The following LRP1B variants were observed in gnomAD, a reference collection of about 807,000 sequenced individuals.
LRP1B encodes the protein LDL receptor related protein 1B.
In LRP1B, 217 loss-of-function variants were observed where a neutral mutation model predicts 556.6. That is an observed-to-expected ratio of 0.39 (90% CI 0.35 to 0.44). The LOEUF (loss-of-function observed/expected upper bound fraction) is 0.44, where lower values mean the gene tolerates loss of function less well. LRP1B is among the 20% of genes least tolerant of loss of function. LRP1B has a pLI of 1.00. For synonymous variants in LRP1B, 2,047 were observed against 1,865.8 expected (o/e 1.10, Z -2.50); for missense variants, 5,053 against 5,620.8 (o/e 0.90, Z 3.23).
intron 7 of LRP1B, among the ~76,000 whole-genome samples, chr2:141,071,516 G>A (rs1699642583): frequency 6.6e-6 from 1 of 152,108 alleles, no homozygotes; most frequent in African/African-American, 2.4e-5. Context: ...CAATTAGGCA[G>A]GAGAAGGAAA....
intron 43 of LRP1B, among the ~76,000 whole-genome samples, chr2:140,570,922 A>G (rs1049314384): frequency 6.6e-6 from 1 of 151,824 alleles, no homozygotes; most frequent in African/African-American, 2.4e-5. Context: ...GAAACCATAT[A>G]ATCATCTTAA....
chr2:141,638,962 T>C (rs1689206396), intron 2 of LRP1B, among the ~76,000 whole-genome samples: 1 of 70,714 alleles, frequency 1.4e-5, no homozygotes, highest in Admixed American at 1.4e-4. Flanking sequence ...CACACATATA[T>C]ATATATGGCT....
At chr2:142,015,833 A>C (rs1335277273) in intron 1 of LRP1B, among the ~76,000 whole-genome samples, 1 of 151,772 alleles carries the variant, frequency 6.6e-6, no homozygotes, top group Non-Finnish European at 1.5e-5. Flanking sequence ...CTCTACTAAA[A>C]TACAAAAAAT....
At chr2:140,940,646 G>A (rs573583588) in intron 20 of LRP1B, among the ~76,000 whole-genome samples, 6 of 152,206 alleles carry the variant, frequency 3.9e-5, no homozygotes, top group African/African-American at 1.4e-4. Flanking sequence ...TTTCCATTGA[G>A]ACAGACTGTT....
chr2:141,614,098 A>AG lies in LRP1B; in HGVS notation c.206-133566_206-133565insC, dbSNP rs1476240000. On this transcript the variant is annotated intron_variant, in intron 2 of 90. Coordinates refer to ENST00000389484, the MANE Select transcript of LRP1B (RefSeq NM_018557.3). ...TCAGCCTCAAAAAAAAAAAAAAAAAAAAAGAAAGAAAATGTTTACTTTTTT... is the reference window on the plus strand; with the variant it reads ...TCAGCCTCAAAAAAAAAAAAAAAAAAGAAAGAAAGAAAATGTTTACTTTTTT... 2.7e-4 allele frequency among the ~76,000 whole-genome samples: 41 copies of AG among 150,860 alleles called. 1 individual carries two copies. The highest frequency in any genetic ancestry group is 1.0e-3 in the African/African-American group (41 of 41,094).
chr2:140,608,899 C>T (rs1682967216), intron 41 of LRP1B, among the ~76,000 whole-genome samples: 1 of 152,120 alleles, frequency 6.6e-6, no homozygotes, highest in Non-Finnish European at 1.5e-5. Flanking sequence ...TATTCAACAT[C>T]AAAGTTTCAG....
intron 84 of LRP1B, among the ~76,000 whole-genome samples, chr2:140,292,771 G>A (rs886362781): frequency 1.3e-5 from 2 of 152,086 alleles, no homozygotes; most frequent in African/African-American, 4.8e-5. Context: ...CATAGTGACA[G>A]GCTCATTGTA....
intron 22 of LRP1B, among the ~76,000 whole-genome samples, chr2:140,903,730 G>C (rs1174913353): frequency 6.6e-6 from 1 of 151,172 alleles, no homozygotes; most frequent in Non-Finnish European, 1.5e-5. Context: ...TTTAAGTTAG[G>C]TGAATTATAC....
intron 3 of LRP1B, among the ~76,000 whole-genome samples, chr2:141,323,390 C>A (rs568390868): frequency 6.6e-6 from 1 of 152,072 alleles, no homozygotes; most frequent in Admixed American, 6.6e-5. Context: ...AATGATCCAA[C>A]GATCTACTTT....
At chr2:141,094,904 G>A (rs765726224) in intron 7 of LRP1B, among the ~76,000 whole-genome samples, 4 of 152,156 alleles carry the variant, frequency 2.6e-5, no homozygotes, top group South Asian at 4.1e-4. Flanking sequence ...CCCCTGTTAC[G>A]GTTTGAATGT....
rs575434295 is a variant in LRP1B, at chr2:140,262,068, T to TA, written c.13247+8173dup. Among the ~76,000 whole-genome samples, 426 of 150,970 alleles carry TA rather than the reference T, an allele frequency of 2.8e-3. 3 individuals carry two copies. Among genetic ancestry groups the TA allele is most frequent in the Middle Eastern group, 0.014 (4 of 294 alleles). ...ACTAATTTCTCAGAAGAATTACTAT[T>TA]AAAAAAAAAGATCAGAAGAAAATGA... On this transcript the variant is annotated intron_variant, in intron 86 of 90. Coordinates refer to ENST00000389484, the MANE Select transcript of LRP1B (RefSeq NM_018557.3).
At chr2:140,745,422 T>G (rs954843420) in intron 35 of LRP1B, among the ~76,000 whole-genome samples, 4 of 152,200 alleles carry the variant, frequency 2.6e-5, no homozygotes, top group East Asian at 1.9e-4. Context: ...CTAATTTGAT[T>G]AGGCAACATT....
chr2:140,584,558 A>C (rs532186580), intron 43 of LRP1B, among the ~76,000 whole-genome samples: 14 of 152,216 alleles, frequency 9.2e-5, no homozygotes, highest in African/African-American at 3.4e-4. Context: ...TGTTAAATCA[A>C]TCCATCAGTA....
rs376234029 is a variant in LRP1B at position 141,463,529 on chromosome 2, A to T, written c.343+16867T>A. On this transcript the variant is annotated intron_variant, in intron 3 of 90. Coordinates refer to ENST00000389484, the MANE Select transcript of LRP1B (RefSeq NM_018557.3). ...CCAGGAAAGAAACAAATATTATATAAAATTATATATTATATATAATTATAT... is the reference window on the plus strand; with the variant it reads ...CCAGGAAAGAAACAAATATTATATATAATTATATATTATATATAATTATAT... Among the ~76,000 whole-genome samples the T allele has an allele frequency of 6.2e-3, 809 of 129,928 alleles. 4 individuals carry two copies. The highest frequency in any genetic ancestry group is 0.014 in the South Asian group (64 of 4,418). 85.2% of individuals were successfully genotyped at this position (129,928 alleles called of 152,430 possible). A position where few individuals can be genotyped will look rare whatever the true frequency, so the allele number is the denominator to read the frequency against.
intron 11 of LRP1B, among the ~76,000 whole-genome samples, chr2:141,040,367 T>G (rs1698662125): frequency 6.6e-6 from 1 of 152,128 alleles, no homozygotes; most frequent in Non-Finnish European, 1.5e-5. Context: ...CTCAGCATGT[T>G]TGCTTCATTA....
intron 77 of LRP1B, among the ~76,000 whole-genome samples, chr2:140,339,141 C>A (rs1262122383): frequency 6.6e-6 from 1 of 151,706 alleles, no homozygotes; most frequent in East Asian, 1.9e-4. Context: ...TGAATGAAAC[C>A]CTTACATCTT....
At chr2:140,728,752 T>C (rs144407704) in intron 35 of LRP1B, among the ~76,000 whole-genome samples, 192 of 152,276 alleles carry the variant, frequency 1.3e-3, no homozygotes, top group Non-Finnish European at 2.2e-3. Flanking sequence ...GGATGTAGCA[T>C]AATGACTAAA....
In LRP1B at chr2:140,776,211, T is replaced by A. The variant is rs2104951027; in HGVS notation, c.5387A>T (p.Asn1796Ile). ...GCTGCAGGTTCCTAGCTGGGCTAAG[T>A]TTTGGTCTGCCCACCACAGTTTCTT... ...MDKKLWWADQ[N>I]LAQLGTCSKR... The change falls in exon 33 of 91, where the codon AAC (asparagine) becomes ATC (isoleucine). Residue 1796 changes from asparagine (N) to isoleucine (I), a missense_variant. Coordinates refer to ENST00000389484, the MANE Select transcript of LRP1B (RefSeq NM_018557.3). The A allele has an allele frequency of 6.2e-7, 1 of 1,602,802 alleles. No homozygotes were observed. The highest frequency in any genetic ancestry group is 8.5e-7 in the Non-Finnish European group (1 of 1,174,742).
intron 3 of LRP1B, among the ~76,000 whole-genome samples, chr2:141,469,956 A>G (rs1005050223): frequency 4.6e-5 from 7 of 152,162 alleles, no homozygotes; most frequent in African/African-American, 1.4e-4. Context: ...TTATTGTTCT[A>G]TTTTATGATT....
Sources: gnomAD v4.1 joint callset for allele counts (sites outside exome capture counted in the v4.1 genomes callset) on GRCh38, gnomAD v4.1.1 for gene constraint, MANE v1.5 for transcripts, NCBI Gene and HGNC (gene_info 2026-07-23, HGNC 2026-07-21) for gene names.